Variants in OR7C1 observed in about 807,000 individuals in gnomAD.
OR7C1 encodes the protein olfactory receptor 7C1.
For missense variants in OR7C1, 324 were observed against 383.3 expected, an observed-to-expected ratio of 0.85 and a Z score of 1.29; for synonymous variants, 152 against 160.7, an observed-to-expected ratio of 0.95 and a Z score of 0.41.
chr19:14,808,038 G>A (rs2044673845), intron 2 of OR7C1, among the ~76,000 whole-genome samples: 1 of 150,478 alleles, frequency 6.6e-6, no homozygotes, highest in Non-Finnish European at 1.5e-5. Flanking sequence ...TCAGATAAAT[G>A]CAAATTAAAA....
intron 1 of OR7C1, chr19:14,821,506 A>AACAAAAC (rs1391265429): frequency 5.9e-5 from 9 of 152,178 alleles, no homozygotes; most frequent in African/African-American, 2.2e-4. Context: ...AAAAACAAAA[A>AACAAAAC]ACAAAACAAA....
chr19:14,828,282 A>G lies in OR7C1; in HGVS notation c.-623+6792T>C. On this transcript the variant is annotated intron_variant, in intron 1 of 4. Coordinates refer to ENST00000641666, the Ensembl canonical transcript of OR7C1. ...ATCAGAGAGAGAGAGAGAAAGAGGG[A>G]AACGAGACAGGCATGCATTGCTAAC... 5 of 1,567,146 alleles carry G rather than the reference A, an allele frequency of 3.2e-6. No homozygotes were observed. The South Asian group carries it at 6.0e-5, about 19-fold the overall frequency.
At chr19:14,824,628 A>T (rs531038728) in intron 1 of OR7C1, 1 of 152,146 alleles carries the variant, frequency 6.6e-6, no homozygotes, top group African/African-American at 2.4e-5. Context: ...TACACCATTG[A>T]TGAGCACCTG....
intron 1 of OR7C1, among the ~76,000 whole-genome samples, chr19:14,830,663 A>T (rs2044822919): frequency 1.3e-5 from 2 of 152,176 alleles, no homozygotes; most frequent in Admixed American, 1.3e-4. Flanking sequence ...ATGATTATTA[A>T]AGTTTTAGCT....
chr19:14,820,568 TCA>T (rs1467427774), intron 1 of OR7C1, among the ~76,000 whole-genome samples: 1 of 150,978 alleles, frequency 6.6e-6, no homozygotes, highest in African/African-American at 2.4e-5. Context: ...AGAAAAAAAA[TCA>T]CACAGGAAAA....
chr19:14,827,144 A>G, intron 1 of OR7C1: 4 of 861,128 alleles, frequency 4.6e-6, no homozygotes, highest in Middle Eastern at 2.9e-4. Flanking sequence ...AGTTGCTTAA[A>G]TTCTACAAGA....
chr19:14,822,859 T>A (rs532737949), intron 1 of OR7C1, among the ~76,000 whole-genome samples: 9 of 152,058 alleles, frequency 5.9e-5, no homozygotes, highest in African/African-American at 1.7e-4. Context: ...TTTTTTTTTT[T>A]AAACTGGGTT....
chr19:14,827,454 G>A, intron 1 of OR7C1: 1 of 1,614,126 alleles, frequency 6.2e-7, no homozygotes, highest in Non-Finnish European at 8.5e-7. Flanking sequence ...GCGGGTGGCA[G>A]CAGAACTAAG....
At chr19:14,799,030 T>C in exon 5 of OR7C1, 2 of 1,039,350 alleles carry the variant, frequency 1.9e-6, no homozygotes, top group Non-Finnish European at 2.6e-6. Flanking sequence ...TGGCCCTCCC[T>C]ATCTACCTAA....
At chr19:14,804,423 C>T (rs888393581) in intron 2 of OR7C1, among the ~76,000 whole-genome samples, 3 of 152,158 alleles carry the variant, frequency 2.0e-5, no homozygotes, top group Non-Finnish European at 2.9e-5. Context: ...AAGCAGCAAC[C>T]ATAAACCCCA....
chr19:14,833,247 G>T (rs2044851498), intron 1 of OR7C1, among the ~76,000 whole-genome samples: 1 of 152,266 alleles, frequency 6.6e-6, no homozygotes. Context: ...GGAAGGTCCA[G>T]GTGGGTGGAT....
At chr19:14,830,931 C>A (rs2044825719) in intron 1 of OR7C1, among the ~76,000 whole-genome samples, 1 of 152,144 alleles carries the variant, frequency 6.6e-6, no homozygotes, top group African/African-American at 2.4e-5. Context: ...GCAACCTTGG[C>A]ATTATCAGTA....
intron 1 of OR7C1, among the ~76,000 whole-genome samples, chr19:14,814,872 C>G (rs1472267312): frequency 6.6e-6 from 1 of 152,186 alleles, no homozygotes; most frequent in Non-Finnish European, 1.5e-5. Context: ...TACACAACAA[C>G]CAACCAGCAT....
At chr19:14,802,443 C>G (rs1795126837) in intron 2 of OR7C1, among the ~76,000 whole-genome samples, 1 of 152,196 alleles carries the variant, frequency 6.6e-6, no homozygotes, top group Admixed American at 6.5e-5. Flanking sequence ...TCGCTTGAAC[C>G]TGGGAGGCGG....
intron 2 of OR7C1, among the ~76,000 whole-genome samples, chr19:14,802,790 G>A (rs565379211): frequency 1.3e-4 from 20 of 152,296 alleles, no homozygotes; most frequent in Admixed American, 1.3e-3. Context: ...GAATGTAGAG[G>A]TGAAGCTCTG....
intron 1 of OR7C1, among the ~76,000 whole-genome samples, chr19:14,812,353 C>T (rs1358045111): frequency 6.6e-6 from 1 of 152,192 alleles, no homozygotes; most frequent in Admixed American, 6.5e-5. Context: ...GGCCCAAAAC[C>T]AGGCCTGGGC....
chr19:14,806,475 A>G (rs2044667022), intron 2 of OR7C1, among the ~76,000 whole-genome samples: 1 of 151,892 alleles, frequency 6.6e-6, no homozygotes, highest in South Asian at 2.1e-4. Flanking sequence ...GCACCTGTCA[A>G]CCCATCACCT....
chr19:14,802,296 G>T (rs2044645805), intron 2 of OR7C1, among the ~76,000 whole-genome samples: 1 of 152,070 alleles, frequency 6.6e-6, no homozygotes, highest in African/African-American at 2.4e-5. Flanking sequence ...GAGGCGGGTG[G>T]ATCACCTGAG....
intron 1 of OR7C1, chr19:14,828,107 G>C (rs773489445): frequency 4.3e-6 from 7 of 1,614,030 alleles, no homozygotes; most frequent in African/African-American, 2.7e-5. Context: ...TGGCCAGGAT[G>C]ATGAGCAGGT....
Sources: allele counts gnomAD v4.1 joint callset (sites outside exome capture counted in the v4.1 genomes callset), GRCh38; gene constraint gnomAD v4.1.1; transcripts MANE v1.5; gene names NCBI Gene and HGNC (gene_info 2026-07-23, HGNC 2026-07-21).